The following CAMKMT variants were observed in gnomAD, a reference collection of about 807,000 sequenced individuals.
The protein encoded by CAMKMT is CaM KMT.
A neutral mutation model predicts 48.0 loss-of-function variants in CAMKMT; 53 were observed. The ratio of observed to expected loss-of-function variants is 1.10; its 90% CI spans 0.89 to 1.39. The LOEUF is 1.39. Among genes scored for constraint, CAMKMT ranks in the 40% most tolerant of loss-of-function variants. CAMKMT has a pLI of 0.00. For missense variants in CAMKMT, 428 were observed against 402.7 expected, an observed-to-expected ratio of 1.06 and a Z score of -0.54; for synonymous variants, 165 against 152.3, an observed-to-expected ratio of 1.08 and a Z score of -0.61.
chr2:44,707,357 C>G (rs1023361063), intron 5 of CAMKMT, 42 bp from the exon 6 acceptor site: 1 of 1,575,158 alleles, frequency 6.3e-7, no homozygotes, highest in South Asian at 1.1e-5. Context: ...CACAGACAAG[C>G]ATATTTGCTC....
chr2:44,459,810 G>C (rs1667758821), intron 3 of CAMKMT, among the ~76,000 whole-genome samples: 1 of 152,188 alleles, frequency 6.6e-6, no homozygotes, highest in Non-Finnish European at 1.5e-5. Flanking sequence ...TTTAAGTCTT[G>C]CTGGAGCTTT....
At chr2:44,532,208 C>A (rs1003775464) in intron 3 of CAMKMT, among the ~76,000 whole-genome samples, 1 of 152,120 alleles carries the variant, frequency 6.6e-6, no homozygotes, top group African/African-American at 2.4e-5. Flanking sequence ...AAAGTGTCAA[C>A]AAAAATGCTG....
intron 7 of CAMKMT, among the ~76,000 whole-genome samples, chr2:44,728,833 T>C (rs1376706417): frequency 2.0e-5 from 3 of 147,528 alleles, no homozygotes; most frequent in East Asian, 3.9e-4. Context: ...AGCTAGGGGG[T>C]CTATCCTTTT....
chr2:44,644,534 G>A (rs1215906521), intron 3 of CAMKMT, among the ~76,000 whole-genome samples: 1 of 152,180 alleles, frequency 6.6e-6, no homozygotes, highest in Non-Finnish European at 1.5e-5. Context: ...TATCAAAGCT[G>A]AAAAGGCTTT....
intron 3 of CAMKMT, among the ~76,000 whole-genome samples, chr2:44,631,286 T>C (rs1412405579): frequency 2.0e-5 from 3 of 152,054 alleles, no homozygotes; most frequent in East Asian, 1.9e-4. Context: ...TTGAGAGATA[T>C]ACCTAATGCT....
At chr2:44,672,396 A>G (rs1275088146) in intron 3 of CAMKMT, among the ~76,000 whole-genome samples, 1 of 152,020 alleles carries the variant, frequency 6.6e-6, no homozygotes, top group African/African-American at 2.4e-5. Context: ...TGGCTAAAAT[A>G]GTAAATAATT....
At chr2:44,586,013 A>G (rs558633523) in intron 3 of CAMKMT, among the ~76,000 whole-genome samples, 1 of 152,332 alleles carries the variant, frequency 6.6e-6, no homozygotes, top group East Asian at 1.9e-4. Context: ...AAAACATTCT[A>G]AATATACAAG....
At chr2:44,430,603 A>G (rs1051982407) in intron 3 of CAMKMT, among the ~76,000 whole-genome samples, 1 of 151,638 alleles carries the variant, frequency 6.6e-6, no homozygotes, top group Admixed American at 6.6e-5. Context: ...AATTAAATGT[A>G]ATTGGTTACA....
chr2:44,406,948 G>A (rs1353083817), intron 3 of CAMKMT, among the ~76,000 whole-genome samples: 1 of 152,132 alleles, frequency 6.6e-6, no homozygotes, highest in Admixed American at 6.5e-5. Context: ...TATAATTTCT[G>A]TCTACTTAAC....
intron 9 of CAMKMT, 89 bp from the exon 10 acceptor site, chr2:44,766,341 A>G: frequency 7.1e-7 from 1 of 1,415,210 alleles, no homozygotes; most frequent in Non-Finnish European, 9.9e-7. Flanking sequence ...TCTACTTGAG[A>G]GCAGTACATT....
At chr2:44,465,820 G>C (rs1572575840) in intron 3 of CAMKMT, among the ~76,000 whole-genome samples, 1 of 152,228 alleles carries the variant, frequency 6.6e-6, no homozygotes, top group African/African-American at 2.4e-5. Flanking sequence ...TGAAGACTTA[G>C]GCTGAAAGTG....
At chr2:44,362,188 C>T (rs1467083535) in intron 1 of CAMKMT, 43 bp downstream of exon 1, 1 of 1,404,658 alleles carries the variant, frequency 7.1e-7, no homozygotes, top group East Asian at 3.0e-5. Context: ...TCTGGTCACT[C>T]CTCTCTCACG....
intron 3 of CAMKMT, among the ~76,000 whole-genome samples, chr2:44,485,630 T>C (rs1238153939): frequency 6.6e-6 from 1 of 152,178 alleles, no homozygotes; most frequent in Non-Finnish European, 1.5e-5. Flanking sequence ...CTCCAGCATG[T>C]TACTGTACTG....
chr2:44,512,443 A>G (rs1670614703), intron 3 of CAMKMT, among the ~76,000 whole-genome samples: 1 of 152,170 alleles, frequency 6.6e-6, no homozygotes, highest in African/African-American at 2.4e-5. Flanking sequence ...TTATGGATGT[A>G]TTTTACACAT....
At chr2:44,687,256 A>G (rs1676389224) in intron 3 of CAMKMT, among the ~76,000 whole-genome samples, 2 of 152,220 alleles carry the variant, frequency 1.3e-5, no homozygotes, top group African/African-American at 4.8e-5. Flanking sequence ...GAGTTTTTAC[A>G]ATAAAAGACA....
chr2:44,706,361 C>G lies in CAMKMT; in HGVS notation c.492+20C>G, dbSNP rs1173971484. 6.2e-7 allele frequency: 1 copy of G among 1,612,216 alleles called. No individual in the cohort carries two copies. Among genetic ancestry groups the G allele is most frequent in the East Asian group, 2.2e-5 (1 of 44,856 alleles). On this transcript the variant is annotated intron_variant, in intron 5 of 10. Coordinates refer to ENST00000378494, the MANE Select transcript of CAMKMT (RefSeq NM_024766.5). ...CTCATGGTAGGTCTTTTCTCCATTC[C>G]AATCCCATTCAGAGGGAGGAACAAA...
chr2:44,744,079 T>A (rs1321058981), intron 8 of CAMKMT, among the ~76,000 whole-genome samples: 3 of 152,146 alleles, frequency 2.0e-5, no homozygotes, highest in Non-Finnish European at 4.4e-5. Context: ...TTAGGAGAGA[T>A]CTGACTATTG....
intron 3 of CAMKMT, among the ~76,000 whole-genome samples, chr2:44,526,721 T>C (rs955047273): frequency 6.6e-6 from 1 of 152,166 alleles, no homozygotes; most frequent in African/African-American, 2.4e-5. Flanking sequence ...CGATTTTTTT[T>C]ACAGTCTACT....
At chr2:44,509,791 A>G (rs1020490376) in intron 3 of CAMKMT, among the ~76,000 whole-genome samples, 2 of 152,166 alleles carry the variant, frequency 1.3e-5, no homozygotes, top group Non-Finnish European at 2.9e-5. Flanking sequence ...AAGTTGTTAT[A>G]AAGTGAGGCT....
Sources: allele counts gnomAD v4.1 joint callset (sites outside exome capture counted in the v4.1 genomes callset), GRCh38; gene constraint gnomAD v4.1.1; transcripts MANE v1.5; gene names NCBI Gene and HGNC (gene_info 2026-07-23, HGNC 2026-07-21).